Variants in MUC3A observed in about 807,000 individuals in gnomAD.
MUC3A encodes mucin 3A, cell surface associated.
Under a neutral mutation model 109.0 loss-of-function variants are expected in MUC3A, and 109 were observed. The observed-to-expected ratio is 1.00, with a 90% CI of 0.86 to 1.17. The LOEUF (loss-of-function observed/expected upper bound fraction) is 1.17, where lower values mean the gene tolerates loss of function less well. MUC3A is among the 50% of genes most tolerant of loss of function. The pLI, the probability that MUC3A is intolerant of heterozygous loss-of-function variation, is 0.00. For missense variants in MUC3A, 3,537 were observed against 2,469.4 expected (o/e 1.43, Z -9.16); for synonymous variants, 1,398 against 981.4 (o/e 1.42, Z -7.93).
chr7:100,963,780 G>A, intron 5 of MUC3A, 28 bp downstream of exon 5: 2 of 1,598,482 alleles, frequency 1.3e-6, no homozygotes, highest in Non-Finnish European at 8.5e-7. Flanking sequence ...GGATGCGGAG[G>A]CGGTGTTGGG....
At position 100,965,698 on chromosome 7, in the gene MUC3A, C is replaced by A; in HGVS notation, c.9449-6C>A. 3 of 1,595,762 alleles carry A rather than the reference C, an allele frequency of 1.9e-6. No homozygotes were observed. Among genetic ancestry groups the A allele is most frequent in the Non-Finnish European group, 1.7e-6 (2 of 1,178,174 alleles). ...GTCTCTGTGCATCCCCCTCCCCAAC[C>A]CCCAGCCATCTGCCGCCGCGCCGCT... On this transcript the variant is annotated splice_region_variant and splice_polypyrimidine_tract_variant and intron_variant, in intron 7 of 11. Coordinates refer to ENST00000379458, the MANE Select transcript of MUC3A (RefSeq NM_005960.2).
chr7:100,954,271 TG>T lies in MUC3A; in HGVS notation c.2495del (p.Gly832AlafsTer8), dbSNP rs1792046420. 1 of 325,472 alleles carries T rather than the reference TG, an allele frequency of 3.1e-6. No individual in the cohort carries two copies. Among genetic ancestry groups the T allele is most frequent in the South Asian group, 1.2e-4 (1 of 8,096 alleles). The allele number at this position is 325,472 out of a possible 1,614,324, so 20.2% of individuals were successfully genotyped here. A position where few individuals can be genotyped will look rare whatever the true frequency, so the allele number is the denominator to read the frequency against. On this transcript the variant is annotated frameshift_variant, in exon 2 of 12. Coordinates refer to ENST00000379458, the MANE Select transcript of MUC3A (RefSeq NM_005960.2). LOFTEE classifies it high-confidence loss of function. ...SQPTTITPSSVGISGSLPMMT... is the reference protein window; with the variant it reads ...SQPTTITPSSXGISGSLPMMT... ...CCAACAACCATCACTCCCTCATCCG[TG>T]GGCATCAGTGGTTCATTACCTATGA...
At position 100,966,653 on chromosome 7, in the gene MUC3A, T is replaced by C. The variant is rs587634761; in HGVS notation, c.9787T>C (p.Ser3263Pro). Residue 3263 changes from serine to proline, a missense_variant and splice_region_variant, in exon 10 of 12, where the codon TCC becomes CCC. Physicochemically the swap from Ser to Pro is moderately conservative, Grantham distance 74. Transcript: ENST00000379458. The stretch of plus-strand genomic sequence containing the variant: ...TGACCGCGCGGCGGCCCCACCTAGG[T>C]CCTGGGACCAGGACAGGAAATGGTT... ...GWWGGQRRGR[S>P]WDQDRKWFET... 1.3e-6 allele frequency: 2 copies of C among 1,598,506 alleles called. No homozygotes were observed. Among genetic ancestry groups the C allele is most frequent in the East Asian group, 4.5e-5 (2 of 44,890 alleles).
In MUC3A at chr7:100,966,366, G is replaced by C; in HGVS notation, c.9612-20G>C. On this transcript the variant is annotated intron_variant, in intron 8 of 11. Coordinates refer to ENST00000379458, the MANE Select transcript of MUC3A (RefSeq NM_005960.2). ...CCGAGCCCGGAGGTGAAGAGGGTCT[G>C]ACCCTGCGATCTCCCGCAGCTGCTA... 1 of 1,321,724 alleles carries C rather than the reference G, an allele frequency of 7.6e-7. No individual in the cohort carries two copies. Among genetic ancestry groups the C allele is most frequent in the Non-Finnish European group, 9.6e-7 (1 of 1,042,072 alleles). The allele number at this position is 1,321,724 out of a possible 1,614,324, so 81.9% of individuals were successfully genotyped here.
chr7:100,967,144 G>T lies in MUC3A; in HGVS notation c.9954G>T (p.Met3318Ile). 1.3e-6 allele frequency: 2 copies of T among 1,598,552 alleles called. No individual in the cohort carries two copies. The highest frequency in any genetic ancestry group is 1.1e-5 in the South Asian group (1 of 91,090). The change falls in exon 12 of 12, where the codon ATG becomes ATT. Residue 3318 changes from methionine to isoleucine, a missense_variant. Coordinates refer to ENST00000379458, the MANE Select transcript of MUC3A (RefSeq NM_005960.2). ...TMKVHIKRPEMTSSSV is the reference protein window; with the variant it reads ...TMKVHIKRPEITSSSV The stretch of plus-strand genomic sequence containing the variant: ...AGGTGCACATCAAGAGACCCGAGAT[G>T]ACCTCGTCCTCAGTGTGAGCCCTGC...
chr7:100,963,045 C>A, intron 3 of MUC3A, 106 bp from the exon 4 acceptor site: 2 of 1,299,866 alleles, frequency 1.5e-6, no homozygotes, highest in South Asian at 1.3e-5. Context: ...CCTCAGGGAT[C>A]TTGGAGGGGA....
At chr7:100,965,444 T>G in intron 7 of MUC3A, 97 bp downstream of exon 7, 1 of 1,533,414 alleles carries the variant, frequency 6.5e-7, no homozygotes, top group Non-Finnish European at 8.8e-7. Context: ...GGAGAGACCT[T>G]TGGGGGAGGC....
chr7:100,963,298 T>G, intron 4 of MUC3A, 32 bp downstream of exon 4: 1 of 1,509,356 alleles, frequency 6.6e-7, no homozygotes, highest in Non-Finnish European at 8.9e-7. Flanking sequence ...TTTTTTTTTT[T>G]TTTTTGAGGT....
At chr7:100,966,005 TC>T in intron 8 of MUC3A, 139 bp downstream of exon 8, 4 of 1,325,338 alleles carry the variant, frequency 3.0e-6, no homozygotes, top group Non-Finnish European at 4.0e-6. Context: ...TCCAAGCCCA[TC>T]CCCGTTGCCC....
At position 100,959,721 on chromosome 7, in the gene MUC3A, T is replaced by C. The variant is rs749987320; in HGVS notation, c.7942T>C (p.Leu2648=). 2 of 1,598,412 alleles carry C rather than the reference T, an allele frequency of 1.3e-6. No homozygotes were observed. The highest frequency in any genetic ancestry group is 2.2e-5 in the East Asian group (1 of 44,904). Residue 2648 remains leucine (L), a synonymous_variant, in exon 2 of 12, where the codon TTG becomes CTG. Coordinates refer to ENST00000379458, the MANE Select transcript of MUC3A (RefSeq NM_005960.2). ...TCAAACAACTCCTTCTACTCCCTCA[T>C]TGCAAACTTCACTCACATCTACAAG... ...TLQTTPSTPS[L]QTSLTSTSEF... is the part of the protein sequence containing the mutation.
chr7:100,952,361 T>C lies in MUC3A; in HGVS notation c.582T>C (p.Thr194=). The part of the protein sequence containing the change: ...SAMTSSPSTT[T]ARETPIVTVT... ...TGACATCTTCTCCCTCTACCACCACTGCAAGGGAAACTCCCATAGTGACAG... is the reference window on the plus strand; with the variant it reads ...TGACATCTTCTCCCTCTACCACCACCGCAAGGGAAACTCCCATAGTGACAG... Residue 194 remains threonine (T), a synonymous_variant, in exon 2 of 12, where the codon ACT becomes ACC. Transcript: ENST00000379458. The C allele has an allele frequency of 1.9e-6, 3 of 1,598,530 alleles. No individual in the cohort carries two copies. The highest frequency in any genetic ancestry group is 2.5e-6 in the Non-Finnish European group (3 of 1,179,772).
chr7:100,952,073 C>T lies in MUC3A; in HGVS notation c.294C>T (p.Ser98=), dbSNP rs755857178. The T allele has an allele frequency of 4.4e-6, 7 of 1,598,630 alleles. No individual in the cohort carries two copies. In the Admixed American group the frequency reaches 1.0e-4, roughly 23 times the overall value. ...CATTGCTCAACTCTCCAGTCAGTTC[C>T]AACACCTCAACCACCCCGACGTCCA... ...SETLLNSPVS[S]NTSTTPTSKF... Residue 98 remains serine, a synonymous_variant, in exon 2 of 12, where the codon TCC becomes TCT. Coordinates refer to ENST00000379458, the MANE Select transcript of MUC3A (RefSeq NM_005960.2).
chr7:100,965,173 G>A, intron 6 of MUC3A, 109 bp from the exon 7 acceptor site: 2 of 1,498,724 alleles, frequency 1.3e-6, no homozygotes, highest in Non-Finnish European at 1.8e-6. Flanking sequence ...CCCAGACGGA[G>A]AGAGCCCTCA....
intron 8 of MUC3A, 161 bp downstream of exon 8, chr7:100,966,027 C>G (rs1275501431): frequency 5.7e-6 from 7 of 1,237,332 alleles, no homozygotes; most frequent in Admixed American, 3.0e-5. Context: ...TACAGTGGAG[C>G]CCTGCCCTGG....
intron 3 of MUC3A, 110 bp from the exon 4 acceptor site, chr7:100,963,041 G>A: frequency 8.0e-7 from 1 of 1,251,926 alleles, no homozygotes; most frequent in Non-Finnish European, 1.1e-6. Context: ...CAGTCCTCAG[G>A]GATCTTGGAG....
At position 100,959,484 on chromosome 7, in the gene MUC3A, A is replaced by G. The variant is rs1427897847; in HGVS notation, c.7705A>G (p.Ser2569Gly). ...CACCCCAATCAGTTCCTTTAGCACA[A>G]GTATTGTTGTTATACCTGAAACCCC... ...ENTPISSFST[S>G]IVVIPETPTQ... The change falls in exon 2 of 12, where the codon AGT becomes GGT. Residue 2569 changes from serine to glycine, a missense_variant. Physicochemically the swap from Ser to Gly is moderately conservative, Grantham distance 56. Transcript: ENST00000379458. The G allele has an allele frequency of 2.5e-6, 4 of 1,581,780 alleles. No homozygotes were observed. Among genetic ancestry groups the G allele is most frequent in the Non-Finnish European group, 3.4e-6 (4 of 1,173,250 alleles).
rs2116178232 is a variant in MUC3A at position 100,956,844 on chromosome 7, A to G, written c.5065A>G (p.Thr1689Ala). 7.2e-6 allele frequency: 3 copies of G among 415,026 alleles called. No individual in the cohort carries two copies. In the East Asian group the frequency reaches 1.1e-4, roughly 15 times the overall value. 25.7% of individuals were successfully genotyped at this position (415,026 alleles called of 1,614,324 possible). The stretch of plus-strand genomic sequence containing the variant: ...CTCCTCACCCCCAGCCATCACCAGT[A>G]CACTCCACACAACAGCTGAATCCAC... ...SISSPPAITS[T>A]LHTTAESTPS... Residue 1689 changes from threonine (T) to alanine (A), a missense_variant, in exon 2 of 12, where the codon ACA becomes GCA. By Grantham distance (58) the Thr-to-Ala change is moderately conservative (BLOSUM62 0). Transcript: ENST00000379458.
rs750866434 is a variant in MUC3A, at chr7:100,959,318, C to T, written c.7539C>T (p.Pro2513=). ...CAACCACAGACTTTCCCTCTATACC[C>T]ACTGATATCAGTACCTTACCAACTC... The part of the protein sequence containing the change: ...LTTTTDFPSI[P]TDISTLPTRT... Residue 2513 remains proline, a synonymous_variant, in exon 2 of 12, where the codon CCC becomes CCT. Coordinates refer to ENST00000379458, the MANE Select transcript of MUC3A (RefSeq NM_005960.2). The T allele has an allele frequency of 1.4e-5, 22 of 1,568,876 alleles. No homozygotes were observed. Among genetic ancestry groups the T allele is most frequent in the Non-Finnish European group, 1.8e-5 (21 of 1,165,010 alleles).
At position 100,951,968 on chromosome 7, in the gene MUC3A, C is replaced by G; in HGVS notation, c.189C>G (p.Leu63=). 1 of 1,598,612 alleles carries G rather than the reference C, an allele frequency of 6.3e-7. No homozygotes were observed. Among genetic ancestry groups the G allele is most frequent in the Non-Finnish European group, 8.5e-7 (1 of 1,179,800 alleles). ...LAGWPLGVPQ[L]ASPAPGHREN... is the part of the protein sequence containing the mutation. The stretch of plus-strand genomic sequence containing the variant: ...GGTGGCCACTTGGTGTCCCCCAGCT[C>G]GCCTCTCCTGCTCCTGGCCACAGGG... The change falls in exon 2 of 12, where the codon CTC becomes CTG. Residue 63 remains leucine, a synonymous_variant. Coordinates refer to ENST00000379458, the MANE Select transcript of MUC3A (RefSeq NM_005960.2).
Sources: allele counts gnomAD v4.1 joint callset, GRCh38; gene constraint gnomAD v4.1.1; transcripts MANE v1.5; gene names NCBI Gene and HGNC (gene_info 2026-07-23, HGNC 2026-07-21).